MRPL37: variants seen among roughly 807,000 people sequenced by gnomAD.
MRPL37 encodes the protein mitochondrial ribosomal protein L37.
MRPL37 carries 34 observed loss-of-function variants against 44.1 expected under a neutral mutation model. That is an observed-to-expected ratio of 0.77 (90% CI 0.59 to 1.03). The LOEUF (loss-of-function observed/expected upper bound fraction) is 1.03. Ranked by LOEUF, MRPL37 falls within the 50% of genes least tolerant of loss-of-function variation. The probability of loss-of-function intolerance (pLI) is 0.00; values close to 1 mark genes in which losing one functional copy is unlikely to be tolerated. For missense variants in MRPL37, 532 were observed against 543.7 expected (o/e 0.98, Z 0.21); for synonymous variants, 212 against 219.5 (o/e 0.97, Z 0.30).
rs1458453450 is a variant in MRPL37, at chr1:54,200,213, C to A, written c.-31C>A. Reference sequence around the variant, plus strand: ...CTGCGCGCGGCAACATGGCGGGGTCCAGGTGGAGGTCTTGAGGCTATCAGA... The same window carrying A: ...CTGCGCGCGGCAACATGGCGGGGTCAAGGTGGAGGTCTTGAGGCTATCAGA... On this transcript the variant is annotated 5_prime_UTR_variant, in exon 1 of 7. Transcript: ENST00000360840. 2.6e-6 allele frequency: 4 copies of A among 1,513,514 alleles called. No individual in the cohort carries two copies. The highest frequency in any genetic ancestry group is 3.5e-6 in the Non-Finnish European group (4 of 1,138,028). 93.8% of individuals were successfully genotyped at this position (1,513,514 alleles called of 1,614,324 possible).
At chr1:54,206,331 C>G (rs919480725) in intron 3 of MRPL37, among the ~76,000 whole-genome samples, 2 of 151,986 alleles carry the variant, frequency 1.3e-5, no homozygotes, top group African/African-American at 4.8e-5. Context: ...CCAGGATGGT[C>G]TCGATCTCCT....
chr1:54,211,956 C>T (rs913908266), intron 4 of MRPL37, among the ~76,000 whole-genome samples: 2 of 152,278 alleles, frequency 1.3e-5, no homozygotes, highest in South Asian at 2.1e-4. Flanking sequence ...CTTTGATTCT[C>T]AGCACCAGTG....
intron 1 of MRPL37, 29 bp downstream of exon 1, chr1:54,200,618 C>A (rs763728824): frequency 2.6e-6 from 4 of 1,565,636 alleles, no homozygotes; most frequent in Non-Finnish European, 3.5e-6. Context: ...CGGCAAGGGA[C>A]CGTGTTCCTC....
chr1:54,208,583 A>G (rs1570144410), intron 3 of MRPL37, among the ~76,000 whole-genome samples: 1 of 146,022 alleles, frequency 6.8e-6, no homozygotes, highest in East Asian at 2.0e-4. Flanking sequence ...TCTCCTCTCT[A>G]ACTCTAGTCT....
At chr1:54,206,746 T>C (rs557495332) in intron 3 of MRPL37, among the ~76,000 whole-genome samples, 110 of 151,856 alleles carry the variant, frequency 7.2e-4, no homozygotes, top group African/African-American at 2.5e-3. Flanking sequence ...CTTTTCTTTT[T>C]TTTTTTTTTC....
intron 3 of MRPL37, among the ~76,000 whole-genome samples, chr1:54,209,572 G>A (rs1335282230): frequency 6.6e-6 from 1 of 150,552 alleles, no homozygotes; most frequent in Non-Finnish European, 1.5e-5. Flanking sequence ...CCATTCTCCC[G>A]CCTCAGCCTC....
downstream of MRPL37, chr1:54,225,193 C>T (rs148857454): frequency 3.4e-5 from 42 of 1,234,334 alleles, no homozygotes; most frequent in Middle Eastern, 2.1e-4. Flanking sequence ...GGCTTTTAGA[C>T]GGCCCCCAAA....
chr1:54,217,453 G>A (rs1392323543), intron 6 of MRPL37, among the ~76,000 whole-genome samples: 1 of 152,134 alleles, frequency 6.6e-6, no homozygotes, highest in African/African-American at 2.4e-5. Flanking sequence ...TGGGCCTGTT[G>A]TGGTTTGGAG....
At chr1:54,201,259 C>G (rs912561500) in intron 1 of MRPL37, among the ~76,000 whole-genome samples, 1 of 152,022 alleles carries the variant, frequency 6.6e-6, no homozygotes, top group Admixed American at 6.6e-5. Context: ...CAGTATTTTC[C>G]AAGGAGTGAT....
chr1:54,203,766 A>G (rs1029999299), intron 1 of MRPL37, among the ~76,000 whole-genome samples: 2 of 152,096 alleles, frequency 1.3e-5, no homozygotes, highest in African/African-American at 4.8e-5. Context: ...ATGAGCCACC[A>G]TGCCCGGCCT....
At chr1:54,221,734 G>C (rs1178658063), downstream of MRPL37, among the ~76,000 whole-genome samples, 11 of 152,104 alleles carry the variant, frequency 7.2e-5, no homozygotes, top group Admixed American at 7.2e-4. Flanking sequence ...GAGACCCATG[G>C]ATCTCCTCCT....
intron 5 of MRPL37, among the ~76,000 whole-genome samples, chr1:54,214,903 T>A (rs901312869): frequency 1.3e-5 from 2 of 152,234 alleles, no homozygotes; most frequent in African/African-American, 4.8e-5. Flanking sequence ...TTATTTATTT[T>A]TCATGCAGCT....
chr1:54,210,664 CA>C (rs1644157480), intron 4 of MRPL37, among the ~76,000 whole-genome samples: 1 of 152,198 alleles, frequency 6.6e-6, no homozygotes, highest in Admixed American at 6.5e-5. Flanking sequence ...GGCTGGCCCC[CA>C]CTTCCTGCCA....
intron 1 of MRPL37, among the ~76,000 whole-genome samples, chr1:54,201,395 T>C (rs1188634438): frequency 6.6e-6 from 1 of 152,228 alleles, no homozygotes; most frequent in African/African-American, 2.4e-5. Flanking sequence ...TCCTGAAAGC[T>C]GATTTTCAAG....
At chr1:54,214,261 T>G (rs1281385594) in intron 5 of MRPL37, among the ~76,000 whole-genome samples, 1 of 152,118 alleles carries the variant, frequency 6.6e-6, no homozygotes, top group African/African-American at 2.4e-5. Flanking sequence ...ATCCTTGTAG[T>G]TTTTTAACCC....
chr1:54,210,129 C>T lies in MRPL37; in HGVS notation c.830C>T (p.Thr277Ile), dbSNP rs898988861. The change falls in exon 4 of 7, where the codon ACA becomes ATA. Residue 277 changes from threonine (T) to isoleucine (I), a missense_variant and splice_region_variant. Coordinates refer to ENST00000360840, the MANE Select transcript of MRPL37 (RefSeq NM_016491.4). ...ECNIYDVKNDTGFQEGYPYPY... is the reference protein window; with the variant it reads ...ECNIYDVKNDIGFQEGYPYPY... Reference sequence around the variant, plus strand: ...AATATTTATGATGTGAAAAATGACACAGGTAAGGATCAATGTCTTGGACTT... The same window carrying T: ...AATATTTATGATGTGAAAAATGACATAGGTAAGGATCAATGTCTTGGACTT... The T allele has an allele frequency of 1.7e-5, 27 of 1,613,404 alleles. No individual in the cohort carries two copies. The East Asian group carries it at 5.6e-4, about 33-fold the overall frequency.
At chr1:54,213,952 G>T (rs543552312) in intron 5 of MRPL37, among the ~76,000 whole-genome samples, 2 of 152,218 alleles carry the variant, frequency 1.3e-5, no homozygotes, top group Non-Finnish European at 2.9e-5. Context: ...GGAGGCCAAG[G>T]TGGGAGGATT....
rs34911851 is a variant in MRPL37 at position 54,208,206 on chromosome 1, C to G, written c.647-1740C>G. Among the ~76,000 whole-genome samples, 1,498 of 152,264 alleles carry G rather than the reference C, an allele frequency of 9.8e-3. 23 individuals are homozygous for G. Among genetic ancestry groups the G allele is most frequent in the South Asian group, 0.044 (213 of 4,822 alleles). On this transcript the variant is annotated intron_variant, in intron 3 of 6. Transcript: ENST00000360840. ...TGACTGGCTAGGGTTTTCTCACTCT[C>G]AGTTGTTAAGGACAATCTGGCCCCT...
At chr1:54,223,516 G>A (rs1171248352), downstream of MRPL37, among the ~76,000 whole-genome samples, 2 of 152,220 alleles carry the variant, frequency 1.3e-5, no homozygotes, top group Admixed American at 6.5e-5. Context: ...GGCCTAGCGC[G>A]TTAGTGGCTA....
Sources: gnomAD v4.1 joint callset for allele counts (sites outside exome capture counted in the v4.1 genomes callset) on GRCh38, gnomAD v4.1.1 for gene constraint, MANE v1.5 for transcripts, NCBI Gene and HGNC (gene_info 2026-07-23, HGNC 2026-07-21) for gene names.